Variants in RAE1 observed in about 807,000 individuals in gnomAD.
RAE1 encodes mRNA export factor RAE1.
Under a neutral mutation model 52.7 loss-of-function variants are expected in RAE1, and 13 were observed. The observed-to-expected ratio is 0.25, with a 90% CI of 0.16 to 0.39. The LOEUF is 0.39. RAE1 is among the 10% of genes least tolerant of loss of function. RAE1 has a pLI of 1.00. For missense variants in RAE1, 262 were observed against 459.8 expected, an observed-to-expected ratio of 0.57 and a Z score of 3.93; for synonymous variants, 164 against 153.1, an observed-to-expected ratio of 1.07 and a Z score of -0.52.
intron 4 of RAE1, 92 bp from the exon 5 acceptor site, chr20:57,365,264 T>C: frequency 1.2e-6 from 1 of 818,968 alleles, no homozygotes; most frequent in Non-Finnish European, 1.9e-6. Flanking sequence ...TGCCAAAGTT[T>C]GCCTCAATAT....
chr20:57,368,569 G>C (rs1406817425), intron 7 of RAE1, 136 bp from the exon 8 acceptor site: 1 of 563,246 alleles, frequency 1.8e-6, no homozygotes, highest in Admixed American at 3.1e-5. Flanking sequence ...TATTTCTCTA[G>C]GTTTTAGTGA....
At chr20:57,359,679 T>C (rs962745141) in intron 4 of RAE1, 1 of 152,286 alleles carries the variant, frequency 6.6e-6, no homozygotes, top group Non-Finnish European at 1.5e-5. Flanking sequence ...CTCATGAATC[T>C]TCCCACTGTT....
rs1568793516 is a variant in RAE1, at chr20:57,373,594, CTG to C, written c.749+15_749+16del. 1.9e-6 allele frequency: 3 copies of C among 1,613,302 alleles called. No individual in the cohort carries two copies. The highest frequency in any genetic ancestry group is 2.7e-5 in the African/African-American group (2 of 74,910). On this transcript the variant is annotated intron_variant, in intron 9 of 11. Coordinates refer to ENST00000395841, the MANE Select transcript of RAE1 (RefSeq NM_003610.4). ...ACCCCCCGAACCCGTAAGTGTGACT[CTG>C]TCAGCTTGCAGATTTCACTGGACTT...
At chr20:57,369,043 G>T (rs1222167880) in intron 8 of RAE1, among the ~76,000 whole-genome samples, 1 of 152,240 alleles carries the variant, frequency 6.6e-6, no homozygotes, top group Non-Finnish European at 1.5e-5. Flanking sequence ...ATGGCTGAGT[G>T]CTACTGAATT....
chr20:57,362,192 A>ATTTAGC (rs1330248634), intron 4 of RAE1, among the ~76,000 whole-genome samples: 1 of 152,184 alleles, frequency 6.6e-6, no homozygotes, highest in Non-Finnish European at 1.5e-5. Flanking sequence ...ATGTGATCTT[A>ATTTAGC]TTTAGCTTAT....
At chr20:57,351,449 T>C in intron 1 of RAE1, 27 bp downstream of exon 1, 1 of 985,416 alleles carries the variant, frequency 1.0e-6, no homozygotes, top group Non-Finnish European at 1.2e-6. Flanking sequence ...GCGCGTCCCG[T>C]CGTTAACCGC....
chr20:57,358,324 C>G (rs369450109), intron 4 of RAE1: 1 of 152,142 alleles, frequency 6.6e-6, no homozygotes, highest in African/African-American at 2.4e-5. Flanking sequence ...AACGCTATCG[C>G]GATAAGAGTG....
chr20:57,355,050 G>C (rs1336590671), intron 3 of RAE1, among the ~76,000 whole-genome samples: 5 of 152,186 alleles, frequency 3.3e-5, no homozygotes, highest in Non-Finnish European at 7.4e-5. Context: ...CTTTAGTTCA[G>C]TCTCTTGAAG....
At chr20:57,351,503 C>T in intron 1 of RAE1, 81 bp downstream of exon 1, 2 of 985,464 alleles carry the variant, frequency 2.0e-6, no homozygotes, top group Non-Finnish European at 1.2e-6. Flanking sequence ...CGGGAGCGCG[C>T]TTCTGCGGGA....
intron 8 of RAE1, among the ~76,000 whole-genome samples, chr20:57,369,825 A>G (rs1352042065): frequency 6.6e-6 from 1 of 152,196 alleles, no homozygotes; most frequent in African/African-American, 2.4e-5. Context: ...AGAAAAAAGA[A>G]GCTAATGGGA....
At chr20:57,351,473 G>A in intron 1 of RAE1, 51 bp downstream of exon 1, 2 of 985,450 alleles carry the variant, frequency 2.0e-6, no homozygotes, top group Non-Finnish European at 2.4e-6. Flanking sequence ...CATGGCTCCC[G>A]CAGAGGCCGA....
intron 4 of RAE1, 42 bp downstream of exon 4, chr20:57,356,580 T>G (rs2066790920): frequency 1.3e-6 from 2 of 1,500,124 alleles, no homozygotes; most frequent in African/African-American, 2.8e-5. Context: ...TTACTTAAAG[T>G]ACAGAATGAT....
chr20:57,355,042 T>G (rs183019359), intron 3 of RAE1, among the ~76,000 whole-genome samples: 1 of 152,338 alleles, frequency 6.6e-6, no homozygotes, highest in African/African-American at 2.4e-5. Context: ...ATTTTCTACT[T>G]TAGTTCAGTC....
At chr20:57,359,099 C>G in intron 4 of RAE1, 1 of 1,254,566 alleles carries the variant, frequency 8.0e-7, no homozygotes, top group Non-Finnish European at 1.1e-6. Context: ...GTCAGGATAC[C>G]ACAGCTGTTG....
chr20:57,373,961 T>C (rs6064537), intron 10 of RAE1, among the ~76,000 whole-genome samples: 7,917 of 152,256 alleles, frequency 0.052, 500 homozygotes, highest in African/African-American at 0.15. Context: ...TGGCGTGATA[T>C]CACCTCACTG....
chr20:57,366,129 T>C (rs1301048247), intron 5 of RAE1, among the ~76,000 whole-genome samples: 7 of 152,296 alleles, frequency 4.6e-5, no homozygotes, highest in Admixed American at 1.3e-4. Context: ...TGGAATCCCC[T>C]GCTTGTTATT....
chr20:57,357,492 T>C (rs925476958), intron 4 of RAE1: 1 of 152,178 alleles, frequency 6.6e-6, no homozygotes, highest in Non-Finnish European at 1.5e-5. Context: ...AAAATGCTAA[T>C]GTAAGTGGTA....
intron 3 of RAE1, among the ~76,000 whole-genome samples, chr20:57,355,208 C>CTAGATACT (rs1267966026): frequency 1.3e-5 from 2 of 152,004 alleles, no homozygotes; most frequent in Non-Finnish European, 2.9e-5. Context: ...ACAGATTTGC[C>CTAGATACT]TAGATACTTA....
intron 8 of RAE1, chr20:57,371,871 T>TG (rs2146172251): frequency 6.6e-6 from 1 of 152,336 alleles, no homozygotes; most frequent in South Asian, 2.1e-4. Flanking sequence ...CTGCCATTCG[T>TG]GACAACGTGG....
Sources: gnomAD v4.1 joint callset for allele counts (sites outside exome capture counted in the v4.1 genomes callset) on GRCh38, gnomAD v4.1.1 for gene constraint, MANE v1.5 for transcripts, NCBI Gene and HGNC (gene_info 2026-07-23, HGNC 2026-07-21) for gene names.